The following GCNT1 variants were observed in gnomAD, a reference collection of about 807,000 sequenced individuals.
GCNT1 encodes glucosaminyl (N-acetyl) transferase 1.
In GCNT1, 16 loss-of-function variants were observed where a neutral mutation model predicts 26.2. The ratio of observed to expected loss-of-function variants is 0.61; its 90% CI spans 0.41 to 0.93. GCNT1 has a LOEUF of 0.93. Among genes scored for constraint, GCNT1 ranks in the 40% least tolerant of loss-of-function variants. The pLI is 0.00. For synonymous variants in GCNT1, 183 were observed against 190.8 expected (o/e 0.96, Z 0.34); for missense variants, 477 against 526.7 (o/e 0.91, Z 0.92).
intron 2 of GCNT1, among the ~76,000 whole-genome samples, chr9:76,478,965 G>T (rs1824338103): frequency 6.6e-6 from 1 of 152,134 alleles, no homozygotes; most frequent in Non-Finnish European, 1.5e-5. Flanking sequence ...CCATTAACTT[G>T]TCATTTACAT....
At chr9:76,488,727 G>C (rs925390784) in intron 2 of GCNT1, among the ~76,000 whole-genome samples, 1 of 152,156 alleles carries the variant, frequency 6.6e-6, no homozygotes, top group Non-Finnish European at 1.5e-5. Context: ...TAGGTGATCT[G>C]TCTGCCTCGT....
At chr9:76,401,159 G>A in the GCNT1 span, among the ~76,000 whole-genome samples, 5 of 152,346 alleles carry the variant, frequency 3.3e-5, no homozygotes, top group Middle Eastern at 3.4e-3. Flanking sequence ...CTGGCTGAGT[G>A]TAAGTGTCTT....
intron 2 of GCNT1, among the ~76,000 whole-genome samples, chr9:76,496,428 T>C (rs1387839476): frequency 2.6e-5 from 4 of 152,228 alleles, no homozygotes; most frequent in Non-Finnish European, 2.9e-5. Flanking sequence ...CCTGTCAGCC[T>C]GGGATTTGTG....
intron 2 of GCNT1, among the ~76,000 whole-genome samples, chr9:76,462,228 T>C (rs965123205): frequency 6.6e-6 from 1 of 152,144 alleles, no homozygotes; most frequent in African/African-American, 2.4e-5. Context: ...TGGTTCCAGG[T>C]CAGTATGTCA....
chr9:76,460,339 G>T (rs758288136), intron 2 of GCNT1, among the ~76,000 whole-genome samples, 162 bp downstream of exon 2: 1 of 152,252 alleles, frequency 6.6e-6, no homozygotes, highest in Non-Finnish European at 1.5e-5. Context: ...GAAAGCCGTG[G>T]TGCCTTGAGA....
At chr9:76,488,988 G>A (rs1188525045) in intron 2 of GCNT1, among the ~76,000 whole-genome samples, 2 of 146,252 alleles carry the variant, frequency 1.4e-5, no homozygotes, top group African/African-American at 5.2e-5. Flanking sequence ...CAAGAATTCG[G>A]TGAAGACTGG....
chr9:76,436,983 A>G (rs1293575238), upstream of GCNT1, among the ~76,000 whole-genome samples: 1 of 152,162 alleles, frequency 6.6e-6, no homozygotes, highest in Non-Finnish European at 1.5e-5. Context: ...GGGAAGGGAT[A>G]GCATTAGGAG....
At chr9:76,394,221 G>A in the GCNT1 span, 3 of 1,539,972 alleles carry the variant, frequency 1.9e-6, no homozygotes, top group South Asian at 2.4e-5. Context: ...CGCGTCCTGC[G>A]GAGCCGCCGT....
At chr9:76,395,168 T>C in the GCNT1 span, among the ~76,000 whole-genome samples, 1 of 152,128 alleles carries the variant, frequency 6.6e-6, no homozygotes, top group African/African-American at 2.4e-5. Context: ...GAACTGTAAA[T>C]ACGCACGCTC....
the GCNT1 span, among the ~76,000 whole-genome samples, chr9:76,413,307 A>G: frequency 6.6e-6 from 1 of 152,166 alleles, no homozygotes. Context: ...TGTGAGTGGG[A>G]CACCTGGTCA....
chr9:76,429,598 C>G (rs928196249), intron 1 of GCNT1, among the ~76,000 whole-genome samples: 5 of 152,066 alleles, frequency 3.3e-5, no homozygotes, highest in Admixed American at 1.3e-4. Context: ...CAGCTGGAGT[C>G]TCTCTCATCA....
intron 1 of GCNT1, among the ~76,000 whole-genome samples, chr9:76,432,377 CTG>C (rs1303629285): frequency 6.6e-6 from 1 of 152,102 alleles, no homozygotes; most frequent in Non-Finnish European, 1.5e-5. Flanking sequence ...GGGTTTCACT[CTG>C]TTGCCCAGGC....
chr9:76,396,711 G>A, the GCNT1 span, among the ~76,000 whole-genome samples: 4 of 152,048 alleles, frequency 2.6e-5, no homozygotes, highest in African/African-American at 7.2e-5. Flanking sequence ...GAGTGGTGGC[G>A]CTCACCTGTG....
chr9:76,399,883 T>G, the GCNT1 span, among the ~76,000 whole-genome samples: 1 of 152,204 alleles, frequency 6.6e-6, no homozygotes, highest in East Asian at 1.9e-4. Flanking sequence ...TATAATGCCA[T>G]ACTATTCTGT....
At chr9:76,498,410 G>A (rs1365552566) in intron 2 of GCNT1, among the ~76,000 whole-genome samples, 4 of 152,102 alleles carry the variant, frequency 2.6e-5, no homozygotes, top group African/African-American at 7.2e-5. Context: ...TTCTAAAGCA[G>A]CTTCACCAAG....
intron 2 of GCNT1, among the ~76,000 whole-genome samples, chr9:76,483,320 G>T (rs1035428052): frequency 1.3e-5 from 2 of 152,030 alleles, no homozygotes; most frequent in South Asian, 2.1e-4. Context: ...TTCTTTAGGT[G>T]TGTATTTTCA....
intron 2 of GCNT1, among the ~76,000 whole-genome samples, chr9:76,474,997 C>A (rs1335966499): frequency 6.6e-6 from 1 of 152,244 alleles, no homozygotes; most frequent in East Asian, 1.9e-4. Context: ...AGTGCAGTGG[C>A]ACGATCTCGG....
At chr9:76,406,788 C>T in the GCNT1 span, among the ~76,000 whole-genome samples, 1 of 152,148 alleles carries the variant, frequency 6.6e-6, no homozygotes, top group East Asian at 1.9e-4. Flanking sequence ...TGACTGTAAC[C>T]CCAGCATTCT....
At chr9:76,482,050 C>T (rs1050800625) in intron 2 of GCNT1, among the ~76,000 whole-genome samples, 27 of 152,218 alleles carry the variant, frequency 1.8e-4, no homozygotes, top group Admixed American at 1.4e-3. Context: ...AAGGTTTGCC[C>T]TTTGCTAGGG....
Sources: allele counts gnomAD v4.1 joint callset (sites outside exome capture counted in the v4.1 genomes callset), GRCh38; gene constraint gnomAD v4.1.1; transcripts MANE v1.5; gene names NCBI Gene and HGNC (gene_info 2026-07-23, HGNC 2026-07-21).